ASIP: variants seen among roughly 807,000 people sequenced by gnomAD.
ASIP encodes agouti-signaling protein.
In ASIP, 11 loss-of-function variants were observed where a neutral mutation model predicts 10.3. The observed-to-expected ratio is 1.07, with a 90% confidence interval of 0.68 to 1.78. ASIP has a LOEUF of 1.78. Among genes scored for constraint, ASIP ranks in the 40% most tolerant of loss-of-function variants. The pLI, the probability that ASIP is intolerant of heterozygous loss-of-function variation, is 0.00. For missense variants in ASIP, 180 were observed against 169.2 expected, an observed-to-expected ratio of 1.06 and a Z score of -0.35; for synonymous variants, 70 against 70.8, an observed-to-expected ratio of 0.99 and a Z score of 0.06.
rs192615078 is a variant in ASIP at position 34,198,824 on chromosome 20, A to G, written c.-11+4064A>G. ...TTATTGATTTAAAATACAGTTACAGAAAAGTGTTCATATCGATGAATTTTC... is the reference window on the plus strand; with the variant it reads ...TTATTGATTTAAAATACAGTTACAGGAAAGTGTTCATATCGATGAATTTTC... On this transcript the variant is annotated intron_variant, in intron 1 of 3. Transcript: ENST00000568305. Among the ~76,000 whole-genome samples, 12 of 152,318 alleles carry G rather than the reference A, an allele frequency of 7.9e-5. No individual in the cohort carries two copies. In the East Asian group the frequency reaches 2.3e-3, roughly 29 times the overall value.
At chr20:34,235,929 A>AGGAAGGAAG (rs1245151240) in intron 1 of ASIP, among the ~76,000 whole-genome samples, 1 of 85,304 alleles carries the variant, frequency 1.2e-5, no homozygotes, top group Non-Finnish European at 1.9e-5. Flanking sequence ...GAAGGAAGGA[A>AGGAAGGAAG]GCGGGAGGGA....
chr20:34,249,682 T>TGTTAGAGAGTAG (rs1177906247), intron 1 of ASIP, among the ~76,000 whole-genome samples: 3 of 152,198 alleles, frequency 2.0e-5, no homozygotes, highest in Non-Finnish European at 4.4e-5. Flanking sequence ...GCCTCAACTC[T>TGTTAGAGAGTAG]AACACTTCCC....
At chr20:34,252,235 C>T (rs562525441) in intron 1 of ASIP, among the ~76,000 whole-genome samples, 7 of 152,294 alleles carry the variant, frequency 4.6e-5, no homozygotes, top group Non-Finnish European at 1.0e-4. Context: ...GAGACCGGTG[C>T]TCAGTATACA....
At chr20:34,207,551 T>C (rs1655659250) in intron 1 of ASIP, among the ~76,000 whole-genome samples, 1 of 152,184 alleles carries the variant, frequency 6.6e-6, no homozygotes, top group Non-Finnish European at 1.5e-5. Flanking sequence ...TTTGTCCATT[T>C]TTGCTTTGGT....
intron 1 of ASIP, chr20:34,214,978 T>G (rs564697839): frequency 1.4e-6 from 2 of 1,401,740 alleles, no homozygotes; most frequent in Admixed American, 3.3e-5. Context: ...TCCCATTCCG[T>G]TTACCGGCTT....
chr20:34,200,969 TTTCCTTCCTTCCTTCCTTCCTTCC>T (rs1179933802), intron 1 of ASIP, among the ~76,000 whole-genome samples: 1 of 72,926 alleles, frequency 1.4e-5, no homozygotes, highest in African/African-American at 8.4e-5. Context: ...TCTTTCTTTC[TTTCCTTCCTTCCTTCCTTCCTTCC>T]TTCCTTCCTT....
intron 1 of ASIP, among the ~76,000 whole-genome samples, chr20:34,207,876 G>A (rs986897009): frequency 6.6e-6 from 1 of 151,748 alleles, no homozygotes. Context: ...TGCAAGCTCC[G>A]CCTTCCAGGT....
chr20:34,236,036 AAG>A (rs2035203546), intron 1 of ASIP, among the ~76,000 whole-genome samples: 1 of 142,440 alleles, frequency 7.0e-6, no homozygotes, highest in South Asian at 2.3e-4. Flanking sequence ...AAGAAAGAGA[AAG>A]AAACAGAAAA....
rs1256302424 is a variant in ASIP at position 34,247,879 on chromosome 20, G to A, written c.-11+6390G>A. On this transcript the variant is annotated intron_variant, in intron 1 of 3. Coordinates refer to ENST00000374954, the MANE Select transcript of ASIP (RefSeq NM_001672.3). ...GCCAAAGTGCTGGGATTACAGGCAT[G>A]AGCCATGGTGCCCTGTCTTGTATGA... 2.6e-5 allele frequency among the ~76,000 whole-genome samples: 4 copies of A among 152,154 alleles called. No individual in the cohort carries two copies. In the South Asian group the frequency reaches 8.3e-4, roughly 32 times the overall value.
At chr20:34,245,193 G>A (rs1367011518) in intron 1 of ASIP, among the ~76,000 whole-genome samples, 1 of 151,338 alleles carries the variant, frequency 6.6e-6, no homozygotes, top group Non-Finnish European at 1.5e-5. Context: ...AATTAGCTGG[G>A]CGTGGTGGCA....
At chr20:34,197,102 C>T (rs893701764) in intron 1 of ASIP, among the ~76,000 whole-genome samples, 4 of 151,744 alleles carry the variant, frequency 2.6e-5, no homozygotes, top group Non-Finnish European at 5.9e-5. Context: ...AGGTCGGGTG[C>T]AGTGGCTCAC....
At chr20:34,204,949 AT>A (rs2034924948) in intron 1 of ASIP, among the ~76,000 whole-genome samples, 2 of 152,236 alleles carry the variant, frequency 1.3e-5, no homozygotes, top group South Asian at 4.1e-4. Flanking sequence ...CACCTCAAGC[AT>A]TTATCATTTA....
chr20:34,206,095 C>T (rs889406601), intron 1 of ASIP, among the ~76,000 whole-genome samples: 2 of 152,260 alleles, frequency 1.3e-5, no homozygotes, highest in Middle Eastern at 3.4e-3. Context: ...CAGGTTCAAG[C>T]AATTCTCCTG....
intron 1 of ASIP, chr20:34,214,239 C>T (rs2034993015): frequency 2.2e-6 from 3 of 1,388,586 alleles, no homozygotes; most frequent in Non-Finnish European, 3.1e-6. Context: ...AGCCATCTTG[C>T]TCTGAACTTT....
chr20:34,200,838 C>T (rs1295615052), intron 1 of ASIP, among the ~76,000 whole-genome samples: 1 of 152,078 alleles, frequency 6.6e-6, no homozygotes. Context: ...TTAATTTTCC[C>T]CCCTATGGTT....
intron 1 of ASIP, chr20:34,246,084 C>CTG: frequency 1.1e-6 from 1 of 881,232 alleles, no homozygotes; most frequent in Non-Finnish European, 1.9e-6. Context: ...TGAGGCAGCA[C>CTG]AGGAGAATTT....
At chr20:34,245,320 T>C (rs6119476) in intron 1 of ASIP, among the ~76,000 whole-genome samples, 38,317 of 132,940 alleles carry the variant, frequency 0.29, 9,688 homozygotes, top group African/African-American at 0.7. Context: ...GGCGACAGTG[T>C]GAGACTCTGT....
intron 2 of ASIP, among the ~76,000 whole-genome samples, chr20:34,260,813 T>G (rs548261559): frequency 1.3e-5 from 2 of 152,316 alleles, no homozygotes; most frequent in Admixed American, 1.3e-4. Context: ...TTTCTGAAAC[T>G]TAATGAATCA....
intron 1 of ASIP, chr20:34,215,461 C>T (rs1311516015): frequency 9.8e-6 from 15 of 1,529,290 alleles, no homozygotes; most frequent in African/African-American, 1.4e-5. Flanking sequence ...CATGAGGATT[C>T]GCAGGTACAG....
Sources: gnomAD v4.1 joint callset for allele counts (sites outside exome capture counted in the v4.1 genomes callset) on GRCh38, gnomAD v4.1.1 for gene constraint, MANE v1.5 for transcripts, NCBI Gene and HGNC (gene_info 2026-07-23, HGNC 2026-07-21) for gene names.